LRP1B: variants seen among roughly 807,000 people sequenced by gnomAD.
The protein encoded by LRP1B is LDL receptor related protein 1B.
Under a neutral mutation model 556.6 loss-of-function variants are expected in LRP1B, and 217 were observed. That is an observed-to-expected ratio of 0.39 (90% CI 0.35 to 0.44). The LOEUF (loss-of-function observed/expected upper bound fraction) is 0.44. Among genes scored for constraint, LRP1B ranks in the 20% least tolerant of loss-of-function variants. The pLI, the probability that LRP1B is intolerant of heterozygous loss-of-function variation, is 1.00. For synonymous variants in LRP1B, 2,047 were observed against 1,865.8 expected (o/e 1.10, Z -2.50); for missense variants, 5,053 against 5,620.8 (o/e 0.90, Z 3.23).
chr2:141,197,638 T>C (rs1681811553), intron 6 of LRP1B, among the ~76,000 whole-genome samples: 2 of 152,088 alleles, frequency 1.3e-5, no homozygotes, highest in African/African-American at 4.8e-5. Flanking sequence ...AAAAGATCAT[T>C]CTGGTTGCTG....
At chr2:141,738,882 G>A (rs1693591401) in intron 2 of LRP1B, among the ~76,000 whole-genome samples, 1 of 152,108 alleles carries the variant, frequency 6.6e-6, no homozygotes, top group Non-Finnish European at 1.5e-5. Flanking sequence ...AATAAAATAT[G>A]TAAAAGGCAA....
chr2:140,376,660 C>G (rs1287038398), intron 68 of LRP1B, among the ~76,000 whole-genome samples: 1 of 151,956 alleles, frequency 6.6e-6, no homozygotes, highest in African/African-American at 2.4e-5. Flanking sequence ...CTTGAGCGAC[C>G]TTTGCATCCT....
chr2:141,349,146 A>C (rs1688359526), intron 3 of LRP1B, among the ~76,000 whole-genome samples: 1 of 152,058 alleles, frequency 6.6e-6, no homozygotes, highest in South Asian at 2.1e-4. Flanking sequence ...CCAAGGATCC[A>C]GATCCTCTTA....
At chr2:141,224,222 A>G (rs1189499147) in intron 6 of LRP1B, among the ~76,000 whole-genome samples, 1 of 152,134 alleles carries the variant, frequency 6.6e-6, no homozygotes, top group Non-Finnish European at 1.5e-5. Context: ...TGACATGTAT[A>G]TGGCCAGCAA....
chr2:142,094,489 C>G (rs891826616), intron 1 of LRP1B, among the ~76,000 whole-genome samples: 1 of 151,956 alleles, frequency 6.6e-6, no homozygotes, highest in Non-Finnish European at 1.5e-5. Flanking sequence ...GTTCTTGTTA[C>G]AAATTTGTTA....
chr2:141,857,802 C>A (rs1698109825), intron 1 of LRP1B, among the ~76,000 whole-genome samples: 1 of 152,184 alleles, frequency 6.6e-6, no homozygotes, highest in Admixed American at 6.5e-5. Flanking sequence ...CTAACTGACA[C>A]AGCACTGGTC....
At position 141,464,608 on chromosome 2, in the gene LRP1B, T is replaced by TATATATATATATATATA. The variant is rs1244707646; in HGVS notation, c.343+15787_343+15788insTATATATATATATATAT. On this transcript the variant is annotated intron_variant, in intron 3 of 90. Transcript: ENST00000389484. ...TGTATATATATATATATATATATAT[T>TATATATATATATATATA]TTTTTAGTAGAGATGGGGTTTCACC... Among the ~76,000 whole-genome samples, 6 of 48,376 alleles carry TATATATATATATATATA rather than the reference T, an allele frequency of 1.2e-4. No individual in the cohort carries two copies. In the East Asian group the frequency reaches 2.0e-3, roughly 16 times the overall value. The allele number at this position is 48,376 out of a possible 152,430, so 31.7% of individuals were successfully genotyped here. A position where few individuals can be genotyped will look rare whatever the true frequency, so the allele number is the denominator to read the frequency against.
intron 2 of LRP1B, among the ~76,000 whole-genome samples, chr2:141,604,453 C>G (rs1031382682): frequency 6.6e-6 from 1 of 152,028 alleles, no homozygotes; most frequent in Non-Finnish European, 1.5e-5. Flanking sequence ...GGGTGGGTCT[C>G]CAGTGAAACC....
intron 2 of LRP1B, among the ~76,000 whole-genome samples, chr2:141,703,223 T>C (rs1692010896): frequency 7.9e-6 from 1 of 126,416 alleles, no homozygotes; most frequent in East Asian, 3.6e-4. Context: ...AAGAATATCA[T>C]ATTTTAAAAT....
chr2:140,574,573 G>A (rs555365551), intron 43 of LRP1B, among the ~76,000 whole-genome samples: 1 of 152,276 alleles, frequency 6.6e-6, no homozygotes, highest in African/African-American at 2.4e-5. Flanking sequence ...AGGTATTATA[G>A]TTTTCCACAA....
intron 75 of LRP1B, among the ~76,000 whole-genome samples, chr2:140,353,877 T>A (rs1682088345): frequency 1.3e-5 from 2 of 152,092 alleles, no homozygotes; most frequent in Admixed American, 1.3e-4. Context: ...AGTGACTACG[T>A]AACAAGAAGG....
chr2:140,439,099 T>A (rs1233098337), intron 66 of LRP1B, among the ~76,000 whole-genome samples: 17 of 152,228 alleles, frequency 1.1e-4, no homozygotes, highest in Middle Eastern at 3.2e-3. Flanking sequence ...AGCAGACATG[T>A]GAATCTAGCA....
At position 140,534,066 on chromosome 2, in the gene LRP1B, C is replaced by T. The variant is rs1481290284; in HGVS notation, c.7717G>A (p.Gly2573Arg). The T allele has an allele frequency of 2.5e-6, 4 of 1,613,466 alleles. No individual in the cohort carries two copies. Among genetic ancestry groups the T allele is most frequent in the Middle Eastern group, 1.7e-4 (1 of 6,054 alleles). ...RCIPHGKLCD[G>R]ENDCGDNSDE... ...GAGTTGTCTCCGCAGTCATTTTCTC[C>T]ATCACATAACTTGCCATGAGGAATG... The change falls in exon 47 of 91, where the codon GGA (glycine) becomes AGA (arginine). Residue 2573 changes from glycine to arginine, a missense_variant. Gly to Arg is a moderately radical substitution (Grantham distance 125). Transcript: ENST00000389484.
chr2:140,663,256 A>G (rs1477533367), intron 41 of LRP1B, among the ~76,000 whole-genome samples: 1 of 152,202 alleles, frequency 6.6e-6, no homozygotes, highest in South Asian at 2.1e-4. Flanking sequence ...ACAGACTATT[A>G]CAAACACACC....
At chr2:141,418,432 A>ATTTATT (rs1553512208) in intron 3 of LRP1B, among the ~76,000 whole-genome samples, 4 of 140,892 alleles carry the variant, frequency 2.8e-5, no homozygotes, top group Middle Eastern at 3.4e-3. Flanking sequence ...AGAGCACAAT[A>ATTTATT]TTTTTTTTTT....
chr2:141,165,333 G>A (rs1325368516), intron 7 of LRP1B, among the ~76,000 whole-genome samples: 1 of 72,298 alleles, frequency 1.4e-5, no homozygotes, highest in Non-Finnish European at 2.6e-5. Context: ...TTTACCAACT[G>A]TCTTATTTTT....
chr2:140,475,418 A>G lies in LRP1B; in HGVS notation c.9426-81T>C, dbSNP rs190272447. The G allele has an allele frequency of 1.5e-4, 155 of 1,026,118 alleles. No individual in the cohort carries two copies. In the African/African-American group the frequency reaches 2.1e-3, roughly 14 times the overall value. The allele number at this position is 1,026,118 out of a possible 1,614,324, so 63.6% of individuals were successfully genotyped here. ...CAAACAATATATTACTTTTTTGCTCAACTGTTCCCACATTAATCTTGCCAT... is the reference window on the plus strand; with the variant it reads ...CAAACAATATATTACTTTTTTGCTCGACTGTTCCCACATTAATCTTGCCAT... On this transcript the variant is annotated intron_variant, in intron 59 of 90. Transcript: ENST00000389484.
At chr2:141,059,110 A>G in intron 8 of LRP1B, 56 bp from the exon 9 acceptor site, 1 of 1,151,576 alleles carries the variant, frequency 8.7e-7, no homozygotes, top group Non-Finnish European at 1.2e-6. Context: ...TGCAATTTGA[A>G]AGAAAAGCTG....
chr2:141,778,581 T>C (rs545482851), intron 2 of LRP1B, among the ~76,000 whole-genome samples: 4 of 152,292 alleles, frequency 2.6e-5, no homozygotes, highest in African/African-American at 9.6e-5. Flanking sequence ...CCATTTCCTA[T>C]CTCAGAACAC....
Sources: allele counts gnomAD v4.1 joint callset (sites outside exome capture counted in the v4.1 genomes callset), GRCh38; gene constraint gnomAD v4.1.1; transcripts MANE v1.5; gene names NCBI Gene and HGNC (gene_info 2026-07-23, HGNC 2026-07-21).